The following ERG variants were observed in gnomAD, a reference collection of about 807,000 sequenced individuals.
ERG encodes transcriptional regulator ERG.
In ERG, 9 loss-of-function variants were observed where a neutral mutation model predicts 55.3. That is an observed-to-expected ratio of 0.16 (90% confidence interval 0.10 to 0.28). The LOEUF (loss-of-function observed/expected upper bound fraction) is 0.28. ERG is among the 10% of genes least tolerant of loss of function. The pLI, the probability that ERG is intolerant of heterozygous loss-of-function variation, is 1.00. For synonymous variants in ERG, 223 were observed against 237.3 expected (o/e 0.94, Z 0.55); for missense variants, 434 against 631.6 (o/e 0.69, Z 3.35).
chr21:38,480,492 G>C (rs958399954), intron 1 of ERG, among the ~76,000 whole-genome samples: 1 of 147,622 alleles, frequency 6.8e-6, no homozygotes, highest in Non-Finnish European at 1.5e-5. Context: ...TAAGCCACTA[G>C]GTTGTAATAA....
chr21:38,438,865 C>T (rs139752140), intron 2 of ERG, among the ~76,000 whole-genome samples: 11 of 152,322 alleles, frequency 7.2e-5, no homozygotes, highest in South Asian at 2.1e-4. Flanking sequence ...ATCGGAATCC[C>T]GCAGAGGGCT....
intron 3 of ERG, among the ~76,000 whole-genome samples, chr21:38,418,831 G>A (rs917718555): frequency 6.7e-6 from 1 of 150,250 alleles, no homozygotes; most frequent in African/African-American, 2.5e-5. Context: ...GGAGGCTGAG[G>A]CAGGAGAATC....
In ERG at chr21:38,393,343, C is replaced by T. The variant is rs545476940; in HGVS notation, c.746-899G>A. Among the ~76,000 whole-genome samples, 18 of 152,284 alleles carry T rather than the reference C, an allele frequency of 1.2e-4. No individual in the cohort carries two copies. In the East Asian group the frequency reaches 2.7e-3, roughly 23 times the overall value. ...TTGTTTCAAAAATATATTACAGAAA[C>T]CTTATTATAATACTCTTGCTAAGAG... On this transcript the variant is annotated intron_variant, in intron 6 of 9. Coordinates refer to ENST00000288319, the MANE Select transcript of ERG (RefSeq NM_182918.4).
At chr21:38,583,783 G>A (rs1014817942) in intron 1 of ERG, among the ~76,000 whole-genome samples, 3 of 152,216 alleles carry the variant, frequency 2.0e-5, no homozygotes, top group Non-Finnish European at 4.4e-5. Context: ...ACGATGGTGT[G>A]AAGACACAGG....
intron 1 of ERG, among the ~76,000 whole-genome samples, chr21:38,463,439 G>A (rs1358048048): frequency 2.6e-5 from 4 of 152,190 alleles, no homozygotes; most frequent in African/African-American, 9.6e-5. Flanking sequence ...GGCTCCATGA[G>A]GGCAGAGACT....
At chr21:38,651,209 G>A (rs6517474) in intron 1 of ERG, among the ~76,000 whole-genome samples, 39,857 of 152,094 alleles carry the variant, frequency 0.26, 5,593 homozygotes, top group East Asian at 0.37. Context: ...TGTAAAAACT[G>A]CAGATCTAGT....
intron 2 of ERG, among the ~76,000 whole-genome samples, chr21:38,510,177 GAAGTC>G (rs2059500473): frequency 6.6e-6 from 1 of 152,222 alleles, no homozygotes; most frequent in Admixed American, 6.5e-5. Context: ...CTTCTTTAAA[GAAGTC>G]AAGTTATCAT....
At chr21:38,411,105 C>G (rs904335673) in intron 3 of ERG, among the ~76,000 whole-genome samples, 2 of 152,152 alleles carry the variant, frequency 1.3e-5, no homozygotes, top group South Asian at 4.1e-4. Flanking sequence ...ATTTATAAAG[C>G]AGGCCCAATA....
chr21:38,473,060 T>TGCC (rs1473542412), intron 1 of ERG, among the ~76,000 whole-genome samples: 1 of 151,604 alleles, frequency 6.6e-6, no homozygotes, highest in African/African-American at 2.4e-5. Context: ...ACCAGTCCGC[T>TGCC]GCCTTCTGAG....
At chr21:38,428,193 A>C (rs764899525) in intron 2 of ERG, among the ~76,000 whole-genome samples, 2 of 150,452 alleles carry the variant, frequency 1.3e-5, no homozygotes, top group South Asian at 2.1e-4. Flanking sequence ...AAAAAAAACA[A>C]AAGAGAGAAA....
At chr21:38,514,827 T>C (rs2059539668) in intron 2 of ERG, among the ~76,000 whole-genome samples, 1 of 151,912 alleles carries the variant, frequency 6.6e-6, no homozygotes, top group Non-Finnish European at 1.5e-5. Flanking sequence ...GATGACATCA[T>C]TTTTTTACAC....
At chr21:38,513,549 A>C (rs941567788) in intron 2 of ERG, among the ~76,000 whole-genome samples, 2 of 152,152 alleles carry the variant, frequency 1.3e-5, no homozygotes, top group African/African-American at 4.8e-5. Flanking sequence ...ACGTAATATA[A>C]AATCCTTCTG....
chr21:38,627,322 A>C (rs1394797650), intron 1 of ERG, among the ~76,000 whole-genome samples: 1 of 152,198 alleles, frequency 6.6e-6, no homozygotes, highest in African/African-American at 2.4e-5. Context: ...TGTTCGGTGA[A>C]TCTGTAACCC....
intron 5 of ERG, among the ~76,000 whole-genome samples, chr21:38,401,663 T>A (rs1166504214): frequency 1.3e-5 from 2 of 152,202 alleles, no homozygotes; most frequent in Non-Finnish European, 2.9e-5. Context: ...TTTCTGGCAC[T>A]TCCCGTCTCC....
At chr21:38,402,666 A>G in intron 4 of ERG, 29 bp from the exon 5 acceptor site, 1 of 1,345,444 alleles carries the variant, frequency 7.4e-7, no homozygotes, top group Non-Finnish European at 1.0e-6. Flanking sequence ...AGCGACATCA[A>G]AATGAAAAAA....
intron 1 of ERG, among the ~76,000 whole-genome samples, chr21:38,486,762 C>A (rs1034095959): frequency 1.3e-5 from 2 of 152,190 alleles, no homozygotes; most frequent in African/African-American, 2.4e-5. Context: ...GTTGCCCAGG[C>A]TGACCTCAGA....
At chr21:38,578,343 T>G (rs190710530) in intron 1 of ERG, among the ~76,000 whole-genome samples, 65 of 152,338 alleles carry the variant, frequency 4.3e-4, no homozygotes, top group African/African-American at 1.6e-3. Flanking sequence ...CTTGTTTCAC[T>G]GTCACTATGG....
At chr21:38,560,087 T>A (rs1051541279) in intron 2 of ERG, among the ~76,000 whole-genome samples, 1 of 152,190 alleles carries the variant, frequency 6.6e-6, no homozygotes, top group African/African-American at 2.4e-5. Context: ...ACAGAAGCCA[T>A]TTTAGGTCAT....
chr21:38,443,099 G>A (rs956015873), intron 2 of ERG, among the ~76,000 whole-genome samples: 4 of 152,192 alleles, frequency 2.6e-5, no homozygotes, highest in African/African-American at 7.2e-5. Flanking sequence ...GAGCCACTGC[G>A]CCCGGCCAGA....
Sources: allele counts gnomAD v4.1 joint callset (sites outside exome capture counted in the v4.1 genomes callset), GRCh38; gene constraint gnomAD v4.1.1; transcripts MANE v1.5; gene names NCBI Gene and HGNC (gene_info 2026-07-23, HGNC 2026-07-21).